The following MOXD1 variants were observed in gnomAD, a reference collection of about 807,000 sequenced individuals.
MOXD1 encodes the protein monooxygenase DBH like 1.
Under a neutral mutation model 66.6 loss-of-function variants are expected in MOXD1, and 62 were observed. The observed-to-expected ratio is 0.93, with a 90% confidence interval of 0.76 to 1.15. MOXD1 has a LOEUF of 1.15. Ranked by LOEUF, MOXD1 falls within the 50% of genes most tolerant of loss-of-function variation. MOXD1 has a pLI of 0.00. For missense variants in MOXD1, 847 were observed against 754.6 expected, an observed-to-expected ratio of 1.12 and a Z score of -1.44; for synonymous variants, 303 against 281.9, an observed-to-expected ratio of 1.07 and a Z score of -0.75.
At chr6:132,344,575 G>C (rs999564167) in intron 4 of MOXD1, among the ~76,000 whole-genome samples, 8 of 152,178 alleles carry the variant, frequency 5.3e-5, no homozygotes, top group Admixed American at 2.0e-4. Context: ...GAGAACCTCT[G>C]TTCCCATTTG....
chr6:132,377,622 T>C (rs1052558532), intron 1 of MOXD1, among the ~76,000 whole-genome samples: 1 of 152,164 alleles, frequency 6.6e-6, no homozygotes, highest in African/African-American at 2.4e-5. Context: ...TGATGACCCC[T>C]TGCGCCATCT....
In MOXD1 at chr6:132,299,886, C is replaced by A. The variant is rs1292054808; in HGVS notation, c.1509-1931G>T. Among the ~76,000 whole-genome samples the A allele has an allele frequency of 5.4e-5, 8 of 149,068 alleles. No individual in the cohort carries two copies. In the South Asian group the frequency reaches 1.9e-3, roughly 36 times the overall value. On this transcript the variant is annotated intron_variant, in intron 10 of 11. Coordinates refer to ENST00000367963, the MANE Select transcript of MOXD1 (RefSeq NM_015529.4). ...TAAAATTTATTTATGTCATTTCTCT[C>A]TCCCTCTCTCTCTCTCTCTCTCTCT...
intron 6 of MOXD1, 51 bp from the exon 7 acceptor site, chr6:132,324,148 C>A: frequency 1.9e-6 from 3 of 1,541,252 alleles, no homozygotes; most frequent in Non-Finnish European, 2.6e-6. Flanking sequence ...AAAATGTTTT[C>A]ATTCCCAAGA....
At chr6:132,351,985 T>C (rs1271407020) in intron 4 of MOXD1, among the ~76,000 whole-genome samples, 1 of 152,230 alleles carries the variant, frequency 6.6e-6, no homozygotes, top group African/African-American at 2.4e-5. Context: ...ATCTCCCATT[T>C]TGTTTCTTAA....
intron 4 of MOXD1, among the ~76,000 whole-genome samples, chr6:132,351,023 T>G (rs1256854797): frequency 6.6e-6 from 1 of 152,190 alleles, no homozygotes; most frequent in Non-Finnish European, 1.5e-5. Flanking sequence ...AATTCTTCTA[T>G]CAGTTCTAGG....
intron 10 of MOXD1, among the ~76,000 whole-genome samples, chr6:132,303,825 GTGTGTGTGTGTATATATATA>G (rs1217934581): frequency 1.5e-4 from 15 of 96,824 alleles, no homozygotes; most frequent in East Asian, 4.4e-4. Flanking sequence ...GTGTGTGTGT[GTGTGTGTGTGTATATATATA>G]TATATATATA....
Position 132,383,548 on chromosome 6 carries a change from T to C in MOXD1, c.265-8771A>G, listed in dbSNP as rs1044433866. On this transcript the variant is annotated intron_variant, in intron 1 of 11. Transcript: ENST00000367963. ...TTCTTTAAGTGTCACCTTCTAAAAA[T>C]GAACATCCTGAATTTTCTCCCATGC... Among the ~76,000 whole-genome samples, 6 of 152,300 alleles carry C rather than the reference T, an allele frequency of 3.9e-5. No individual in the cohort carries two copies. The East Asian group carries it at 9.6e-4, about 24-fold the overall frequency.
At chr6:132,353,795 C>G (rs1775853513) in intron 4 of MOXD1, among the ~76,000 whole-genome samples, 1 of 152,096 alleles carries the variant, frequency 6.6e-6, no homozygotes, top group Non-Finnish European at 1.5e-5. Context: ...TCAGGAATAC[C>G]TCTTCCTTAT....
chr6:132,329,268 A>G lies in MOXD1; in HGVS notation c.664-674T>C, dbSNP rs570762449. On this transcript the variant is annotated intron_variant, in intron 4 of 11. Coordinates refer to ENST00000367963, the MANE Select transcript of MOXD1 (RefSeq NM_015529.4). The stretch of plus-strand genomic sequence containing the variant: ...GCTGAGAATGTTGGTTTCCAGCTTC[A>G]TCCATGTCCCTACAAAGGACACGAA... Among the ~76,000 whole-genome samples, 4 of 152,254 alleles carry G rather than the reference A, an allele frequency of 2.6e-5. No homozygotes were observed. In the East Asian group the frequency reaches 7.7e-4, roughly 29 times the overall value.
intron 1 of MOXD1, among the ~76,000 whole-genome samples, chr6:132,384,274 CTTCCT>C (rs1257993819): frequency 4.1e-5 from 4 of 96,694 alleles, no homozygotes; most frequent in African/African-American, 1.6e-4. Flanking sequence ...TCCTTCCTTC[CTTCCT>C]TCCTTCCTTC....
chr6:132,359,840 G>T (rs1775982568), intron 4 of MOXD1, among the ~76,000 whole-genome samples: 1 of 152,202 alleles, frequency 6.6e-6, no homozygotes, highest in African/African-American at 2.4e-5. Context: ...TAATACTCAA[G>T]ATAAAATTAG....
At chr6:132,307,507 G>T (rs1291962469) in intron 10 of MOXD1, among the ~76,000 whole-genome samples, 2 of 152,152 alleles carry the variant, frequency 1.3e-5, no homozygotes, top group African/African-American at 4.8e-5. Flanking sequence ...ATCAGCTCTG[G>T]ATCAAGTGGA....
At chr6:132,365,197 C>T (rs1265874579) in intron 4 of MOXD1, among the ~76,000 whole-genome samples, 1 of 152,102 alleles carries the variant, frequency 6.6e-6, no homozygotes, top group Non-Finnish European at 1.5e-5. Context: ...TGTCAACAGA[C>T]CAAGCAGCCA....
In MOXD1 at chr6:132,372,660, C is replaced by G. The variant is rs1191924806; in HGVS notation, c.611G>C (p.Trp204Ser). ...VPIPNKDTTY[W>S]CQMFKIPVFQ... ...CACAGGAATCTTAAACATTTGGCAC[C>G]AATATGTTGTATCTTTGTTTGGGAT... The change falls in exon 4 of 12, where the codon TGG (tryptophan) becomes TCG (serine). Residue 204 changes from tryptophan (W) to serine (S), a missense_variant. Coordinates refer to ENST00000367963, the MANE Select transcript of MOXD1 (RefSeq NM_015529.4). The G allele has an allele frequency of 2.5e-6, 4 of 1,613,686 alleles. No homozygotes were observed. Among genetic ancestry groups the G allele is most frequent in the Non-Finnish European group, 2.5e-6 (3 of 1,179,848 alleles).
At chr6:132,318,052 C>T (rs900629801) in intron 9 of MOXD1, among the ~76,000 whole-genome samples, 1 of 152,080 alleles carries the variant, frequency 6.6e-6, no homozygotes, top group African/African-American at 2.4e-5. Flanking sequence ...ATTTTCATAA[C>T]TTTACACTGT....
chr6:132,387,544 A>G (rs1252598485), intron 1 of MOXD1, among the ~76,000 whole-genome samples: 3 of 150,774 alleles, frequency 2.0e-5, no homozygotes, highest in African/African-American at 7.3e-5. Context: ...GCTTGAGGTC[A>G]GGAGTTTGAG....
chr6:132,360,123 C>A (rs1308594978), intron 4 of MOXD1, among the ~76,000 whole-genome samples: 1 of 152,180 alleles, frequency 6.6e-6, no homozygotes, highest in African/African-American at 2.4e-5. Context: ...CCTCAGGGAC[C>A]AATGTGTAAT....
At chr6:132,385,662 T>C (rs988001344) in intron 1 of MOXD1, among the ~76,000 whole-genome samples, 55 of 151,766 alleles carry the variant, frequency 3.6e-4, no homozygotes, top group Non-Finnish European at 7.4e-5. Context: ...TTTTGTATTA[T>C]TAGTAGAGGC....
intron 4 of MOXD1, among the ~76,000 whole-genome samples, chr6:132,362,362 A>G (rs1776032587): frequency 6.6e-6 from 1 of 152,178 alleles, no homozygotes; most frequent in African/African-American, 2.4e-5. Context: ...TCAGTTATAC[A>G]GATTTATAGT....
Sources: gnomAD v4.1 joint callset for allele counts (sites outside exome capture counted in the v4.1 genomes callset) on GRCh38, gnomAD v4.1.1 for gene constraint, MANE v1.5 for transcripts, NCBI Gene and HGNC (gene_info 2026-07-23, HGNC 2026-07-21) for gene names.